TMPRSS11A: variants seen among roughly 807,000 people sequenced by gnomAD.
TMPRSS11A encodes transmembrane protease serine 11A.
Under a neutral mutation model 58.9 loss-of-function variants are expected in TMPRSS11A, and 53 were observed. The observed-to-expected ratio is 0.90, with a 90% CI of 0.72 to 1.13. The LOEUF (loss-of-function observed/expected upper bound fraction) is 1.13, where lower values mean the gene tolerates loss of function less well. TMPRSS11A is among the 50% of genes most tolerant of loss of function. TMPRSS11A has a pLI of 0.00. For synonymous variants in TMPRSS11A, 167 were observed against 169.8 expected (o/e 0.98, Z 0.13); for missense variants, 493 against 499.3 (o/e 0.99, Z 0.12).
rs758409731 is a variant in TMPRSS11A, at chr4:67,911,343, T to G, written c.1256A>C (p.Ter419SerextTer30). The G allele has an allele frequency of 1.1e-5, 17 of 1,612,982 alleles. No individual in the cohort carries two copies. In the Admixed American group the frequency reaches 2.8e-4, roughly 27 times the overall value. Residue 419 changes from the stop codon to serine, a stop_lost, in exon 10 of 10, where the codon TAA becomes TCA. Transcript: ENST00000508048. Reference sequence around the variant, plus strand: ...TCTTTGTTTAACTTTTATCGTGAATTAGATGCCTGTTTTTGAAGCAATCCA... The same window carrying G: ...TCTTTGTTTAACTTTTATCGTGAATGAGATGCCTGTTTTTGAAGCAATCCA... ...RNWIASKTGI[*>S] is the part of the protein sequence containing the mutation.
chr4:67,930,170 C>A, intron 4 of TMPRSS11A, 130 bp from the exon 5 acceptor site: 1 of 675,602 alleles, frequency 1.5e-6, no homozygotes, highest in Admixed American at 2.9e-5. Flanking sequence ...CCTCTCATGT[C>A]ATTCTGACCC....
At chr4:67,914,028 C>A (rs1345050197) in intron 9 of TMPRSS11A, among the ~76,000 whole-genome samples, 1 of 152,206 alleles carries the variant, frequency 6.6e-6, no homozygotes, top group Non-Finnish European at 1.5e-5. Context: ...CTACTTGTTT[C>A]TCTTCTCATC....
chr4:67,924,234 TA>T (rs1262428922), intron 5 of TMPRSS11A, 68 bp from the exon 6 acceptor site: 21 of 1,297,624 alleles, frequency 1.6e-5, no homozygotes, highest in Non-Finnish European at 2.3e-5. Context: ...TGACCAGGAA[TA>T]ATCAGAGGAT....
chr4:67,961,926 T>C (rs559201638), intron 1 of TMPRSS11A, among the ~76,000 whole-genome samples: 1 of 152,294 alleles, frequency 6.6e-6, no homozygotes, highest in East Asian at 1.9e-4. Flanking sequence ...TATATTAATG[T>C]TCATAGAAAA....
chr4:67,961,458 T>A (rs1452298575), intron 1 of TMPRSS11A, among the ~76,000 whole-genome samples: 1 of 151,164 alleles, frequency 6.6e-6, no homozygotes, highest in African/African-American at 2.4e-5. Flanking sequence ...CTTTCTTTTC[T>A]TTTCTTTCCT....
At chr4:67,954,099 G>A (rs1286615191) in intron 1 of TMPRSS11A, among the ~76,000 whole-genome samples, 1 of 152,024 alleles carries the variant, frequency 6.6e-6, no homozygotes, top group Non-Finnish European at 1.5e-5. Flanking sequence ...CTCAGGGAAG[G>A]AAAGTTAGGA....
At chr4:67,961,804 C>G (rs199783676) in intron 1 of TMPRSS11A, among the ~76,000 whole-genome samples, 1 of 152,052 alleles carries the variant, frequency 6.6e-6, no homozygotes, top group African/African-American at 2.4e-5. Context: ...TGAGCCACCA[C>G]GCCCAGCCTG....
intron 7 of TMPRSS11A, among the ~76,000 whole-genome samples, chr4:67,920,229 A>G (rs923214075): frequency 1.3e-5 from 2 of 152,132 alleles, no homozygotes; most frequent in African/African-American, 4.8e-5. Context: ...TGTGTTTTAT[A>G]CTTAAGGAAA....
At chr4:67,914,298 T>C (rs1720086275) in intron 9 of TMPRSS11A, among the ~76,000 whole-genome samples, 1 of 152,196 alleles carries the variant, frequency 6.6e-6, no homozygotes, top group Non-Finnish European at 1.5e-5. Flanking sequence ...CTGTTTATGA[T>C]TATTTTCTTT....
chr4:67,962,334 A>G (rs555153050), intron 1 of TMPRSS11A, among the ~76,000 whole-genome samples: 1 of 152,232 alleles, frequency 6.6e-6, no homozygotes, highest in African/African-American at 2.4e-5. Context: ...TCACTAACTT[A>G]GTGGCCAATC....
chr4:67,929,899 G>C lies in TMPRSS11A; in HGVS notation c.462C>G (p.Ala154=). 6.2e-7 allele frequency: 1 copy of C among 1,612,564 alleles called. No individual in the cohort carries two copies. Among genetic ancestry groups the C allele is most frequent in the South Asian group, 1.1e-5 (1 of 90,792 alleles). The change falls in exon 5 of 10, where the codon GCC becomes GCG. Residue 154 remains alanine, a synonymous_variant. Coordinates refer to ENST00000508048, the MANE Select transcript of TMPRSS11A (RefSeq NM_001114387.2). ...CCTTACCATTAACTTGAACTGATGA[G>C]GCATTTATTGGCAAGGCTCTTAAAT... ...IRNLRALPIN[A]SSVQVNAMSS...
intron 3 of TMPRSS11A, 125 bp from the exon 4 acceptor site, chr4:67,932,185 G>T: frequency 1.8e-6 from 1 of 546,160 alleles, no homozygotes; most frequent in Non-Finnish European, 3.2e-6. Flanking sequence ...TTAAATTGGT[G>T]GATCTCAGCT....
chr4:67,920,549 A>ATATATATATATATATATATATATATT (rs371252656), intron 7 of TMPRSS11A, among the ~76,000 whole-genome samples: 3 of 130,898 alleles, frequency 2.3e-5, no homozygotes, highest in African/African-American at 9.2e-5. Context: ...ATATATATAT[A>ATATATATATATATATATATATATATT]TTTTTTTTTA....
chr4:67,930,827 T>TTTC (rs1560567329), intron 4 of TMPRSS11A, among the ~76,000 whole-genome samples: 3 of 128,458 alleles, frequency 2.3e-5, no homozygotes, highest in South Asian at 2.6e-4. Context: ...TTTTTTTTTT[T>TTTC]TTACAAAAAA....
intron 9 of TMPRSS11A, among the ~76,000 whole-genome samples, chr4:67,911,837 A>G (rs1719989220): frequency 6.6e-6 from 1 of 152,168 alleles, no homozygotes. Flanking sequence ...ATGCTTGTTT[A>G]ATGATTTCTT....
At chr4:67,924,383 A>G (rs891594349) in intron 5 of TMPRSS11A, among the ~76,000 whole-genome samples, 1 of 152,196 alleles carries the variant, frequency 6.6e-6, no homozygotes, top group Non-Finnish European at 1.5e-5. Context: ...ATCACAAGCA[A>G]TGGGTGAGTA....
rs114967774 is a variant in TMPRSS11A at position 67,937,015 on chromosome 4, C to G, written c.253-4955G>C. Among the ~76,000 whole-genome samples, 400 of 152,278 alleles carry G rather than the reference C, an allele frequency of 2.6e-3. 2 individuals are homozygous for G. Among genetic ancestry groups the G allele is most frequent in the African/African-American group, 9.0e-3 (376 of 41,552 alleles). On this transcript the variant is annotated intron_variant, in intron 3 of 9. Transcript: ENST00000508048. ...TCTCCAGATTTGTTGTCTTCTAAAT[C>G]TCTAAATTGGATTAGTTTATGAGAG...
chr4:67,930,063 A>C, intron 4 of TMPRSS11A, 23 bp from the exon 5 acceptor site: 1 of 1,593,782 alleles, frequency 6.3e-7, no homozygotes, highest in Non-Finnish European at 8.6e-7. Context: ...AAAGAAAGGT[A>C]CATTTTCAAA....
chr4:67,959,754 A>G (rs1377042340), intron 1 of TMPRSS11A, among the ~76,000 whole-genome samples: 1 of 152,226 alleles, frequency 6.6e-6, no homozygotes, highest in Non-Finnish European at 1.5e-5. Context: ...CACAATGGAA[A>G]GCAGTTTGGA....
Sources: gnomAD v4.1 joint callset for allele counts (sites outside exome capture counted in the v4.1 genomes callset) on GRCh38, gnomAD v4.1.1 for gene constraint, MANE v1.5 for transcripts, NCBI Gene and HGNC (gene_info 2026-07-23, HGNC 2026-07-21) for gene names.